FHAD1: variants seen among roughly 807,000 people sequenced by gnomAD.
FHAD1 encodes forkhead associated phosphopeptide binding domain 1.
In FHAD1, 146 loss-of-function variants were observed where a neutral mutation model predicts 191.3. The ratio of observed to expected loss-of-function variants is 0.76; its 90% CI spans 0.67 to 0.88. The LOEUF (loss-of-function observed/expected upper bound fraction) is 0.88, where lower values mean the gene tolerates loss of function less well. Among genes scored for constraint, FHAD1 ranks in the 40% least tolerant of loss-of-function variants. FHAD1 has a pLI of 0.00. For synonymous variants in FHAD1, 616 were observed against 672.3 expected (o/e 0.92, Z 1.29); for missense variants, 1,635 against 1,785.8 (o/e 0.92, Z 1.52).
At chr1:15,350,402 G>T (rs916833446) in intron 19 of FHAD1, among the ~76,000 whole-genome samples, 16 of 152,368 alleles carry the variant, frequency 1.1e-4, no homozygotes, top group African/African-American at 3.8e-4. Flanking sequence ...GAGCCTGGGG[G>T]CCAGAGAGGA....
At chr1:15,323,461 A>C (rs937457607) in intron 10 of FHAD1, among the ~76,000 whole-genome samples, 1 of 152,182 alleles carries the variant, frequency 6.6e-6, no homozygotes, top group Non-Finnish European at 1.5e-5. Flanking sequence ...CCTTCCCGGG[A>C]AACAGCTCAC....
intron 21 of FHAD1, among the ~76,000 whole-genome samples, chr1:15,359,930 A>G (rs996583849): frequency 1.3e-5 from 2 of 151,876 alleles, no homozygotes; most frequent in African/African-American, 2.4e-5. Context: ...AGCCTGGGTG[A>G]CAGAGAGAGA....
intron 2 of FHAD1, among the ~76,000 whole-genome samples, chr1:15,257,443 C>T (rs905364942): frequency 6.6e-6 from 1 of 152,222 alleles, no homozygotes; most frequent in Non-Finnish European, 1.5e-5. Flanking sequence ...CACCCCTCCC[C>T]GGTCCTGTGA....
intron 20 of FHAD1, among the ~76,000 whole-genome samples, chr1:15,357,252 CCCAGCACAGTG>C (rs1168479988): frequency 6.6e-6 from 1 of 152,138 alleles, no homozygotes; most frequent in East Asian, 1.9e-4. Flanking sequence ...TCGTAAGATG[CCCAGCACAGTG>C]CCACTCAAGA....
chr1:15,346,823 C>A (rs924047508), intron 18 of FHAD1, among the ~76,000 whole-genome samples: 3 of 152,218 alleles, frequency 2.0e-5, no homozygotes, highest in African/African-American at 7.2e-5. Context: ...TGCAGCAGAC[C>A]TACCGCTGCC....
At chr1:15,280,285 G>A (rs1225328624) in intron 3 of FHAD1, among the ~76,000 whole-genome samples, 1 of 152,178 alleles carries the variant, frequency 6.6e-6, no homozygotes, top group African/African-American at 2.4e-5. Flanking sequence ...CATCCCGATC[G>A]TGTAGTATTT....
At chr1:15,356,728 C>G (rs897652249) in intron 20 of FHAD1, among the ~76,000 whole-genome samples, 1 of 151,876 alleles carries the variant, frequency 6.6e-6, no homozygotes, top group African/African-American at 2.4e-5. Flanking sequence ...AAAAATTAGC[C>G]GGGCGTGGTG....
chr1:15,256,419 G>A (rs939274529), intron 2 of FHAD1, among the ~76,000 whole-genome samples: 12 of 152,100 alleles, frequency 7.9e-5, no homozygotes, highest in African/African-American at 1.9e-4. Flanking sequence ...TTGGGAGGCC[G>A]AGGCGGGCGG....
chr1:15,387,386 G>A (rs921543872), intron 31 of FHAD1, among the ~76,000 whole-genome samples: 3 of 152,244 alleles, frequency 2.0e-5, no homozygotes, highest in African/African-American at 7.2e-5. Flanking sequence ...GTAACCACGC[G>A]CCCTCACCAG....
chr1:15,393,362 C>CTCTTTTTTTTTTTTT (rs1704781772), intron 33 of FHAD1: 1 of 151,788 alleles, frequency 6.6e-6, no homozygotes, highest in African/African-American at 2.4e-5. Flanking sequence ...CGCGCCTGGC[C>CTCTTTTTTTTTTTTT]AAAAATTCAT....
intron 8 of FHAD1, 74 bp downstream of exon 8, chr1:15,313,261 T>C (rs1672849060): frequency 6.6e-7 from 1 of 1,520,466 alleles, no homozygotes; most frequent in South Asian, 1.2e-5. Context: ...GTGATATGCT[T>C]GTTTCATTCA....
intron 14 of FHAD1, among the ~76,000 whole-genome samples, chr1:15,333,204 G>A (rs925258842): frequency 3.9e-4 from 60 of 152,244 alleles, no homozygotes; most frequent in African/African-American, 1.2e-3. Flanking sequence ...GCAATATTAC[G>A]TCAAGCGCCC....
At chr1:15,360,329 G>A (rs1268160381) in intron 21 of FHAD1, 149 bp from the exon 22 acceptor site, 1 of 646,062 alleles carries the variant, frequency 1.5e-6, no homozygotes, top group Non-Finnish European at 2.7e-6. Flanking sequence ...AGGAGCTGGG[G>A]AAGAAGTGCA....
Position 15,303,860 on chromosome 1 carries a change from A to G in FHAD1, c.915+2419A>G, listed in dbSNP as rs1052995107. Reference sequence around the variant, plus strand: ...TGAGACTCTGTCTCAAAAAAAAAAAAAAAGAAAGAAAGAAAGAATTACTCT... The same window carrying G: ...TGAGACTCTGTCTCAAAAAAAAAAAGAAAGAAAGAAAGAAAGAATTACTCT... On this transcript the variant is annotated intron_variant, in intron 6 of 33. Coordinates refer to ENST00000688493, the MANE Select transcript of FHAD1 (RefSeq NM_001391957.1). Among the ~76,000 whole-genome samples, 22 of 151,862 alleles carry G rather than the reference A, an allele frequency of 1.4e-4. 1 individual carries two copies. In the East Asian group the frequency reaches 2.3e-3, roughly 16 times the overall value.
At chr1:15,294,735 TACCC>T (rs922065258) in intron 4 of FHAD1, among the ~76,000 whole-genome samples, 1 of 152,192 alleles carries the variant, frequency 6.6e-6, no homozygotes, top group African/African-American at 2.4e-5. Context: ...CCCTGGCTTC[TACCC>T]ACTCGATGCT....
chr1:15,241,217 C>T (rs1333867058), intron 1 of FHAD1, among the ~76,000 whole-genome samples: 2 of 152,092 alleles, frequency 1.3e-5, no homozygotes, highest in Admixed American at 6.6e-5. Context: ...TACGACAGAG[C>T]AATGAGAATG....
intron 31 of FHAD1, chr1:15,384,011 T>C (rs1043446559): frequency 1.7e-5 from 5 of 299,270 alleles, no homozygotes; most frequent in Non-Finnish European, 2.7e-5. Context: ...TGTGTGTGTG[T>C]GTGCACATGT....
intron 3 of FHAD1, among the ~76,000 whole-genome samples, chr1:15,281,448 T>A (rs1393533655): frequency 6.6e-6 from 1 of 151,506 alleles, no homozygotes; most frequent in Admixed American, 6.6e-5. Context: ...CTTAAAAGAG[T>A]TTTGTTTTTG....
chr1:15,282,413 G>C (rs1342027323), intron 3 of FHAD1, among the ~76,000 whole-genome samples: 1 of 152,198 alleles, frequency 6.6e-6, no homozygotes, highest in African/African-American at 2.4e-5. Flanking sequence ...TAGAGCCATT[G>C]ATTCTCACAG....
Sources: allele counts gnomAD v4.1 joint callset (sites outside exome capture counted in the v4.1 genomes callset), GRCh38; gene constraint gnomAD v4.1.1; transcripts MANE v1.5; gene names NCBI Gene and HGNC (gene_info 2026-07-23, HGNC 2026-07-21).